The following FHAD1 variants were observed in gnomAD, a reference collection of about 807,000 sequenced individuals.
FHAD1 encodes forkhead-associated domain-containing protein 1.
In FHAD1, 146 loss-of-function variants were observed where a neutral mutation model predicts 191.3. That is an observed-to-expected ratio of 0.76 (90% CI 0.67 to 0.88). The LOEUF (loss-of-function observed/expected upper bound fraction) is 0.88. Among genes scored for constraint, FHAD1 ranks in the 40% least tolerant of loss-of-function variants. The pLI is 0.00. For missense variants in FHAD1, 1,635 were observed against 1,785.8 expected, an observed-to-expected ratio of 0.92 and a Z score of 1.52; for synonymous variants, 616 against 672.3, an observed-to-expected ratio of 0.92 and a Z score of 1.29.
intron 2 of FHAD1, among the ~76,000 whole-genome samples, chr1:15,259,031 CA>C (rs1649727074): frequency 6.6e-6 from 1 of 152,188 alleles, no homozygotes; most frequent in African/African-American, 2.4e-5. Flanking sequence ...GCTTTCCCAG[CA>C]ACAGTGCATA....
intron 27 of FHAD1, 117 bp downstream of exon 27, chr1:15,374,748 C>T: frequency 1.6e-6 from 2 of 1,280,492 alleles, no homozygotes; most frequent in Non-Finnish European, 2.1e-6. Flanking sequence ...ACTTGGAGGA[C>T]ATTGTAATAC....
intron 18 of FHAD1, among the ~76,000 whole-genome samples, chr1:15,347,285 G>C (rs981571810): frequency 6.6e-6 from 1 of 152,230 alleles, no homozygotes; most frequent in African/African-American, 2.4e-5. Context: ...TGAATTTAGA[G>C]ACTTTGAGGC....
At chr1:15,379,374 T>C (rs1204792090) in intron 28 of FHAD1, among the ~76,000 whole-genome samples, 1 of 152,242 alleles carries the variant, frequency 6.6e-6, no homozygotes, top group African/African-American at 2.4e-5. Flanking sequence ...CAAAGCAGTA[T>C]TGCTGCCTGC....
intron 2 of FHAD1, among the ~76,000 whole-genome samples, chr1:15,255,911 G>A (rs968501145): frequency 6.6e-6 from 1 of 152,170 alleles, no homozygotes; most frequent in African/African-American, 2.4e-5. Context: ...AAAACAATGG[G>A]AAGATGCCAC....
chr1:15,261,605 G>T (rs1030198792), intron 2 of FHAD1, among the ~76,000 whole-genome samples: 2 of 152,156 alleles, frequency 1.3e-5, no homozygotes, highest in African/African-American at 4.8e-5. Context: ...GGACTTGCCT[G>T]CTTCTCAAGA....
chr1:15,323,752 A>G (rs1357130802), intron 10 of FHAD1, among the ~76,000 whole-genome samples: 2 of 152,084 alleles, frequency 1.3e-5, no homozygotes, highest in African/African-American at 4.8e-5. Flanking sequence ...GCCCAAGCTC[A>G]CCTCGAGTTG....
intron 2 of FHAD1, among the ~76,000 whole-genome samples, chr1:15,271,442 C>CTTA (rs1655935965): frequency 6.6e-6 from 1 of 152,226 alleles, no homozygotes; most frequent in African/African-American, 2.4e-5. Flanking sequence ...ACTCAGTCCT[C>CTTA]TTATTAAAGT....
chr1:15,387,114 C>G (rs953744922), intron 31 of FHAD1, among the ~76,000 whole-genome samples: 17 of 152,224 alleles, frequency 1.1e-4, no homozygotes, highest in African/African-American at 3.4e-4. Flanking sequence ...ATCTGGAACT[C>G]CTGGGCTCAA....
chr1:15,354,904 G>A (rs1324660744), intron 20 of FHAD1, among the ~76,000 whole-genome samples: 2 of 151,960 alleles, frequency 1.3e-5, no homozygotes, highest in Non-Finnish European at 2.9e-5. Context: ...CCTTAGAACA[G>A]TAACACCAGA....
intron 23 of FHAD1, among the ~76,000 whole-genome samples, chr1:15,364,764 A>T (rs1277489701): frequency 6.6e-6 from 1 of 152,136 alleles, no homozygotes; most frequent in Non-Finnish European, 1.5e-5. Context: ...CAGCACACAC[A>T]TGACCTATCT....
chr1:15,360,596 A>G lies in FHAD1; in HGVS notation c.2855A>G (p.Lys952Arg). 6.4e-7 allele frequency: 1 copy of G among 1,552,172 alleles called. No homozygotes were observed. The change falls in exon 22 of 34, where the codon AAA (lysine) becomes AGA (arginine). Residue 952 changes from lysine (K) to arginine (R), a missense_variant. By Grantham distance (26) the Lys-to-Arg change is conservative (BLOSUM62 2). Coordinates refer to ENST00000688493, the MANE Select transcript of FHAD1 (RefSeq NM_001391957.1). ...ATCATGGAATATAAGGAGCAAATCA[A>G]ACAGCACGCCCAGACAATTGTGAGC... ...EEIMEYKEQI[K>R]QHAQTIVSLE...
chr1:15,240,445 A>G (rs950792908), intron 1 of FHAD1, among the ~76,000 whole-genome samples: 3 of 152,044 alleles, frequency 2.0e-5, no homozygotes, highest in African/African-American at 7.2e-5. Context: ...CCTGGGCAAC[A>G]TAGTGAGATC....
intron 2 of FHAD1, 56 bp from the exon 3 acceptor site, chr1:15,272,267 A>T: frequency 6.8e-7 from 1 of 1,476,986 alleles, no homozygotes; most frequent in Non-Finnish European, 9.2e-7. Flanking sequence ...TCAAAACATT[A>T]GGGGCCGTGT....
intron 1 of FHAD1, among the ~76,000 whole-genome samples, chr1:15,240,814 A>G (rs1345822064): frequency 6.6e-6 from 1 of 151,630 alleles, no homozygotes; most frequent in East Asian, 1.9e-4. Context: ...AAAATTAGCC[A>G]GGGGTGGTGG....
intron 1 of FHAD1, among the ~76,000 whole-genome samples, chr1:15,240,949 T>C (rs1573521656): frequency 2.1e-5 from 2 of 95,832 alleles, no homozygotes; most frequent in Admixed American, 1.4e-4. Flanking sequence ...AGAGCGAGAC[T>C]CTATCTCAAA....
chr1:15,384,867 A>G (rs2496337), intron 31 of FHAD1, among the ~76,000 whole-genome samples: 56,135 of 152,048 alleles, frequency 0.37, 12,984 homozygotes, highest in African/African-American at 0.66. Flanking sequence ...GCTGCCGGGC[A>G]TCTGCCCGCT....
chr1:15,362,256 G>A lies in FHAD1; in HGVS notation c.2963-386G>A, dbSNP rs550152842. Among the ~76,000 whole-genome samples the A allele has an allele frequency of 5.3e-5, 8 of 152,354 alleles. No homozygotes were observed. The East Asian group carries it at 1.5e-3, about 29-fold the overall frequency. On this transcript the variant is annotated intron_variant, in intron 22 of 33. Coordinates refer to ENST00000688493, the MANE Select transcript of FHAD1 (RefSeq NM_001391957.1). ...GACGCTAGAGGCGGTGCACTGAGGT[G>A]TAAATGGGAGGTGAGGAGAGGAAGG... is the stretch of plus-strand genomic sequence containing the variant.
intron 6 of FHAD1, among the ~76,000 whole-genome samples, chr1:15,301,668 C>T (rs1408367214): frequency 2.6e-5 from 4 of 152,214 alleles, no homozygotes; most frequent in Non-Finnish European, 4.4e-5. Flanking sequence ...TAGTGCAAAG[C>T]GCTTTAGATT....
rs1700949925 is a variant in FHAD1, at chr1:15,381,737, G to A, written c.4022+286G>A. Among the ~76,000 whole-genome samples, 1 of 142,594 alleles carries A rather than the reference G, an allele frequency of 7.0e-6. No homozygotes were observed. The highest frequency in any genetic ancestry group is 2.4e-4 in the South Asian group (1 of 4,114). The allele number at this position is 142,594 out of a possible 152,430, so 93.5% of individuals were successfully genotyped here. On this transcript the variant is annotated intron_variant, in intron 30 of 33. Coordinates refer to ENST00000688493, the MANE Select transcript of FHAD1 (RefSeq NM_001391957.1). The surrounding 1 kb of genome is among the most constrained non-coding windows in gnomAD (Gnocchi z 4.6). Reference sequence around the variant, plus strand: ...CCTTGACTTATGGTTTCCCAGTTGTGTAGCATTGACAGCTCCGTCATATTT... The same window carrying A: ...CCTTGACTTATGGTTTCCCAGTTGTATAGCATTGACAGCTCCGTCATATTT...
Sources: allele counts gnomAD v4.1 joint callset (sites outside exome capture counted in the v4.1 genomes callset), GRCh38; gene constraint gnomAD v4.1.1; non-coding constraint Gnocchi (gnomAD v3.1); transcripts MANE v1.5; gene names NCBI Gene and HGNC (gene_info 2026-07-23, HGNC 2026-07-21).